The following KSR1 variants were observed in gnomAD, a reference collection of about 807,000 sequenced individuals.
KSR1 encodes kinase suppressor of ras.
A neutral mutation model predicts 92.9 loss-of-function variants in KSR1; 35 were observed. The observed-to-expected ratio is 0.38, with a 90% CI of 0.29 to 0.50. The LOEUF is 0.50. KSR1 is among the 20% of genes least tolerant of loss of function. KSR1 has a pLI of 0.94. For missense variants in KSR1, 972 were observed against 1,158.5 expected (o/e 0.84, Z 2.34); for synonymous variants, 467 against 472.6 (o/e 0.99, Z 0.15).
chr17:27,487,894 C>T lies in KSR1; in HGVS notation c.231+31020C>T, dbSNP rs184809599. Among the ~76,000 whole-genome samples, 201 of 152,264 alleles carry T rather than the reference C, an allele frequency of 1.3e-3. 1 individual carries two copies. The highest frequency in any genetic ancestry group is 4.7e-3 in the African/African-American group (195 of 41,544). On this transcript the variant is annotated intron_variant, in intron 1 of 20. Coordinates refer to ENST00000644974, the MANE Select transcript of KSR1 (RefSeq NM_001394583.1). ...CTTGAACTAATAGTGTGAGAACTCACCCATGACGGTGGGGACAGCACCAAG... is the reference window on the plus strand; with the variant it reads ...CTTGAACTAATAGTGTGAGAACTCATCCATGACGGTGGGGACAGCACCAAG...
chr17:27,556,256 C>G (rs1343243226), intron 2 of KSR1, among the ~76,000 whole-genome samples: 2 of 152,108 alleles, frequency 1.3e-5, no homozygotes, highest in Non-Finnish European at 2.9e-5. Flanking sequence ...GCTCTGTTGC[C>G]CAGGCTGGAG....
At chr17:27,586,397 G>A (rs1201419965) in intron 5 of KSR1, among the ~76,000 whole-genome samples, 4 of 152,200 alleles carry the variant, frequency 2.6e-5, no homozygotes, top group African/African-American at 4.8e-5. Context: ...GTACTATCCC[G>A]AGCTGGCTAA....
At chr17:27,540,576 C>T (rs1040217301) in intron 1 of KSR1, among the ~76,000 whole-genome samples, 2 of 152,186 alleles carry the variant, frequency 1.3e-5, no homozygotes, top group African/African-American at 2.4e-5. Context: ...CAGGAGAGTG[C>T]GGGTATGGGC....
chr17:27,611,722 G>C lies in KSR1; in HGVS notation c.2493+93G>C, dbSNP rs566210104. 6.3e-5 allele frequency: 93 copies of C among 1,471,630 alleles called. No individual in the cohort carries two copies. The African/African-American group carries it at 1.1e-3, about 18-fold the overall frequency. 91.2% of individuals were successfully genotyped at this position (1,471,630 alleles called of 1,614,324 possible). A position where few individuals can be genotyped will look rare whatever the true frequency, so the allele number is the denominator to read the frequency against. ...CCTTCACTCACCCACCTGAGAAATG[G>C]GGTCGGTGAGGAGCTCTGCCACCTG... On this transcript the variant is annotated intron_variant, in intron 18 of 20. Transcript: ENST00000644974.
intron 1 of KSR1, among the ~76,000 whole-genome samples, chr17:27,543,013 T>C (rs1451005698): frequency 1.3e-5 from 2 of 152,148 alleles, no homozygotes; most frequent in African/African-American, 4.8e-5. Context: ...CTCTGACCAG[T>C]CAGAACAGGT....
rs774788692 is a variant in KSR1, at chr17:27,605,459, C to T, written c.1640C>T (p.Ser547Leu). ...AEAEEPEAGKSEAEDDEDEVD... is the reference protein window; with the variant it reads ...AEAEEPEAGKLEAEDDEDEVD... Reference sequence around the variant, plus strand: ...GCTGAGGAGCCAGAGGCTGGCAAGTCAGAGGCAGAAGACGATGAGGACGAG... The same window carrying T: ...GCTGAGGAGCCAGAGGCTGGCAAGTTAGAGGCAGAAGACGATGAGGACGAG... Residue 547 changes from serine (S) to leucine (L), a missense_variant, in exon 14 of 21, where the codon TCA (serine) becomes TTA (leucine). This residue lies in a region of KSR1 where 611 missense variants were observed against 668.0 expected (regional missense o/e 0.91). Coordinates refer to ENST00000644974, the MANE Select transcript of KSR1 (RefSeq NM_001394583.1). The T allele has an allele frequency of 1.1e-5, 18 of 1,609,772 alleles. No individual in the cohort carries two copies. Among genetic ancestry groups the T allele is most frequent in the Non-Finnish European group, 1.4e-5 (17 of 1,178,922 alleles).
intron 3 of KSR1, chr17:27,578,421 G>A (rs528153113): frequency 1.3e-5 from 2 of 152,528 alleles, no homozygotes; most frequent in East Asian, 3.9e-4. Flanking sequence ...CTCTGAACAC[G>A]GCACAGTGTA....
In KSR1 at chr17:27,597,392, C is replaced by A; in HGVS notation, c.1424C>A (p.Pro475His). The A allele has an allele frequency of 6.2e-7, 1 of 1,613,150 alleles. No homozygotes were observed. Among genetic ancestry groups the A allele is most frequent in the East Asian group, 2.2e-5 (1 of 44,856 alleles). The change falls in exon 10 of 21, where the codon CCC becomes CAC. Residue 475 changes from proline to histidine, a missense_variant. By Grantham distance (77) the Pro-to-His change is moderately conservative. This residue lies in a region of KSR1 where 611 missense variants were observed against 668.0 expected (regional missense o/e 0.91). Coordinates refer to ENST00000644974, the MANE Select transcript of KSR1 (RefSeq NM_001394583.1). ...AACCCATCCAGCGCCACCACGCCCC[C>A]CAACCCCTCACCTGGCCAGCGGGAC... is the stretch of plus-strand genomic sequence containing the variant. ...SSNPSSATTP[P>H]NPSPGQRDSR...
At chr17:27,549,312 C>T (rs2071305956) in intron 1 of KSR1, among the ~76,000 whole-genome samples, 1 of 152,228 alleles carries the variant, frequency 6.6e-6, no homozygotes, top group Non-Finnish European at 1.5e-5. Context: ...CCCTGGGTCC[C>T]TGGGTCACTT....
chr17:27,510,192 G>A (rs1188512119), intron 1 of KSR1, among the ~76,000 whole-genome samples: 1 of 152,190 alleles, frequency 6.6e-6, no homozygotes, highest in Non-Finnish European at 1.5e-5. Context: ...TTTCTTCTGA[G>A]GGCCGTGAGT....
chr17:27,591,953 C>T (rs746409336), intron 7 of KSR1, among the ~76,000 whole-genome samples: 5 of 152,236 alleles, frequency 3.3e-5, no homozygotes, highest in Admixed American at 2.6e-4. Flanking sequence ...AGGGGCTGCC[C>T]TTTGGGTCCC....
intron 2 of KSR1, among the ~76,000 whole-genome samples, chr17:27,554,195 G>T (rs903592957): frequency 1.1e-4 from 17 of 152,228 alleles, no homozygotes; most frequent in Non-Finnish European, 2.5e-4. Flanking sequence ...ACCCATTTAT[G>T]CCAGAGGTTG....
At chr17:27,463,315 G>A (rs947624283) in intron 1 of KSR1, among the ~76,000 whole-genome samples, 2 of 152,056 alleles carry the variant, frequency 1.3e-5, no homozygotes, top group Non-Finnish European at 2.9e-5. Context: ...TTCGAAACCA[G>A]CCTGGGCAAC....
At chr17:27,469,351 G>A (rs565069280) in intron 1 of KSR1, among the ~76,000 whole-genome samples, 14 of 152,220 alleles carry the variant, frequency 9.2e-5, no homozygotes, top group African/African-American at 2.6e-4. Flanking sequence ...CTCAGGTGCC[G>A]AGTCACTTTT....
intron 1 of KSR1, among the ~76,000 whole-genome samples, chr17:27,533,699 T>C (rs995997608): frequency 1.3e-5 from 2 of 152,148 alleles, no homozygotes; most frequent in African/African-American, 4.8e-5. Context: ...TTCATTTTTT[T>C]AAAAAGATTT....
At chr17:27,554,331 G>A (rs987125287) in intron 2 of KSR1, among the ~76,000 whole-genome samples, 5 of 152,298 alleles carry the variant, frequency 3.3e-5, no homozygotes, top group South Asian at 2.1e-4. Context: ...ATCTAAAACA[G>A]GGGACCCATC....
chr17:27,572,050 A>T (rs1320961666), intron 2 of KSR1, among the ~76,000 whole-genome samples: 3 of 152,008 alleles, frequency 2.0e-5, no homozygotes, highest in Admixed American at 2.0e-4. Flanking sequence ...CGTTGCCCAA[A>T]CCCATCCTCA....
At chr17:27,619,791 C>T (rs1195598436) in intron 19 of KSR1, among the ~76,000 whole-genome samples, 1 of 149,390 alleles carries the variant, frequency 6.7e-6, no homozygotes, top group East Asian at 2.0e-4. Context: ...CGACTCACTG[C>T]AACCTCCGCC....
intron 2 of KSR1, among the ~76,000 whole-genome samples, chr17:27,569,262 C>T (rs2072210633): frequency 6.6e-6 from 1 of 152,212 alleles, no homozygotes; most frequent in Admixed American, 6.5e-5. Flanking sequence ...GGGGACACAC[C>T]AGTGCCCAAA....
Sources: gnomAD v4.1 joint callset for allele counts (sites outside exome capture counted in the v4.1 genomes callset) on GRCh38, gnomAD v4.1.1 for gene constraint, gnomAD v4.1.1 regional missense constraint, MANE v1.5 for transcripts, NCBI Gene and HGNC (gene_info 2026-07-23, HGNC 2026-07-21) for gene names.